The following GRID2 variants were observed in gnomAD, a reference collection of about 807,000 sequenced individuals.
GRID2 encodes the protein glutamate receptor ionotropic, delta-2.
Under a neutral mutation model 114.8 loss-of-function variants are expected in GRID2, and 33 were observed. That is an observed-to-expected ratio of 0.29 (90% CI 0.22 to 0.38). The LOEUF (loss-of-function observed/expected upper bound fraction) is 0.38. Among genes scored for constraint, GRID2 ranks in the 10% least tolerant of loss-of-function variants. GRID2 has a pLI of 1.00. For missense variants in GRID2, 1,184 were observed against 1,257.7 expected, an observed-to-expected ratio of 0.94 and a Z score of 0.89; for synonymous variants, 505 against 449.9, an observed-to-expected ratio of 1.12 and a Z score of -1.55.
At chr4:92,431,019 T>G (rs1265499010) in intron 1 of GRID2, among the ~76,000 whole-genome samples, 1 of 152,150 alleles carries the variant, frequency 6.6e-6, no homozygotes, top group Non-Finnish European at 1.5e-5. Context: ...CTCATTAGGT[T>G]TTTCCAAATA....
At chr4:92,444,535 T>A (rs1733339777) in intron 1 of GRID2, among the ~76,000 whole-genome samples, 1 of 152,186 alleles carries the variant, frequency 6.6e-6, no homozygotes, top group South Asian at 2.1e-4. Flanking sequence ...TGTCATCAGT[T>A]AAGGTGGGGC....
At chr4:93,593,024 G>T (rs1179008171) in intron 13 of GRID2, among the ~76,000 whole-genome samples, 2 of 151,816 alleles carry the variant, frequency 1.3e-5, no homozygotes, top group African/African-American at 2.4e-5. Context: ...TTGCCAGTCT[G>T]TGTCTTTTAA....
At chr4:92,670,924 C>T (rs1047668023) in intron 2 of GRID2, among the ~76,000 whole-genome samples, 1 of 151,960 alleles carries the variant, frequency 6.6e-6, no homozygotes, top group South Asian at 2.1e-4. Flanking sequence ...CAGTATTGAA[C>T]AAAATAGGAT....
intron 13 of GRID2, among the ~76,000 whole-genome samples, chr4:93,566,953 A>G (rs962912735): frequency 3.9e-5 from 6 of 152,024 alleles, no homozygotes; most frequent in African/African-American, 1.4e-4. Flanking sequence ...AATGTCTGCA[A>G]AAGTATCCTC....
intron 2 of GRID2, among the ~76,000 whole-genome samples, chr4:92,849,211 T>C (rs1743572532): frequency 6.6e-6 from 1 of 151,926 alleles, no homozygotes; most frequent in Admixed American, 6.6e-5. Context: ...GGATGAGATA[T>C]CAAGCTTGAA....
chr4:92,624,668 A>G lies in GRID2; in HGVS notation c.244+34382A>G, dbSNP rs370638239. On this transcript the variant is annotated intron_variant, in intron 2 of 15. Coordinates refer to ENST00000282020, the MANE Select transcript of GRID2 (RefSeq NM_001510.4). ...AATTCGAATGTTTGAAAACAAGGCCACTGTGAACCATTTAAGAATCTTCAA... is the reference window on the plus strand; with the variant it reads ...AATTCGAATGTTTGAAAACAAGGCCGCTGTGAACCATTTAAGAATCTTCAA... 1.3e-4 allele frequency among the ~76,000 whole-genome samples: 20 copies of G among 151,900 alleles called. No homozygotes were observed. In the East Asian group the frequency reaches 2.7e-3, roughly 21 times the overall value.
At chr4:92,790,831 T>A (rs1739550867) in intron 2 of GRID2, among the ~76,000 whole-genome samples, 1 of 151,806 alleles carries the variant, frequency 6.6e-6, no homozygotes, top group African/African-American at 2.4e-5. Context: ...ATTTGTCACT[T>A]TTTGTTGTGT....
At chr4:93,555,912 C>G (rs757468226) in intron 13 of GRID2, among the ~76,000 whole-genome samples, 4 of 152,174 alleles carry the variant, frequency 2.6e-5, no homozygotes, top group Non-Finnish European at 4.4e-5. Context: ...GAGGAAGGAA[C>G]AGGCAGCAGT....
intron 4 of GRID2, among the ~76,000 whole-genome samples, chr4:93,181,402 G>A (rs1036714007): frequency 2.0e-5 from 3 of 152,038 alleles, no homozygotes; most frequent in Admixed American, 2.0e-4. Flanking sequence ...AATTCTGAAG[G>A]GCCCTAGAAT....
chr4:93,269,470 C>T (rs17020293), intron 8 of GRID2, among the ~76,000 whole-genome samples: 16,387 of 152,100 alleles, frequency 0.11, 1,868 homozygotes, highest in East Asian at 0.28. Context: ...ATATGAGGTG[C>T]AAAGCTCACT....
chr4:93,090,913 G>T (rs992473439), intron 3 of GRID2, among the ~76,000 whole-genome samples: 2 of 152,212 alleles, frequency 1.3e-5, no homozygotes, highest in Non-Finnish European at 2.9e-5. Context: ...TCAATTACTA[G>T]AATAATTCAG....
chr4:92,998,939 A>G (rs948468879), intron 2 of GRID2, among the ~76,000 whole-genome samples: 12 of 151,862 alleles, frequency 7.9e-5, no homozygotes, highest in Admixed American at 7.9e-4. Context: ...AGAGACTGCT[A>G]TGGTGATCAA....
At chr4:92,837,411 T>C (rs1407916933) in intron 2 of GRID2, among the ~76,000 whole-genome samples, 2 of 151,526 alleles carry the variant, frequency 1.3e-5, no homozygotes, top group African/African-American at 2.4e-5. Context: ...TTCAAAAAAA[T>C]TGGGGAAAAC....
chr4:93,063,634 T>C (rs949820202), intron 2 of GRID2, among the ~76,000 whole-genome samples: 7 of 151,898 alleles, frequency 4.6e-5, no homozygotes, highest in African/African-American at 1.7e-4. Context: ...AGCATTTTCA[T>C]CTTTGGGACT....
At chr4:93,299,104 A>T (rs887607594) in intron 8 of GRID2, among the ~76,000 whole-genome samples, 7 of 152,178 alleles carry the variant, frequency 4.6e-5, no homozygotes, top group African/African-American at 1.7e-4. Flanking sequence ...TTGGAATGTA[A>T]TCCTACAGGG....
chr4:93,743,402 A>G (rs536730625), intron 14 of GRID2, among the ~76,000 whole-genome samples: 2 of 152,218 alleles, frequency 1.3e-5, no homozygotes, highest in Non-Finnish European at 2.9e-5. Flanking sequence ...TAAACAACAG[A>G]TTTTCAATGT....
At chr4:93,461,493 G>A (rs1240175219) in intron 11 of GRID2, among the ~76,000 whole-genome samples, 1 of 152,054 alleles carries the variant, frequency 6.6e-6, no homozygotes, top group Non-Finnish European at 1.5e-5. Flanking sequence ...ATACCAGATT[G>A]AATAGGGATA....
chr4:92,563,875 C>G (rs185103544), intron 1 of GRID2, among the ~76,000 whole-genome samples: 1 of 152,014 alleles, frequency 6.6e-6, no homozygotes, highest in African/African-American at 2.4e-5. Flanking sequence ...CCTATCAGTG[C>G]GCACTCCATA....
intron 2 of GRID2, among the ~76,000 whole-genome samples, chr4:93,010,902 C>G (rs1722066489): frequency 6.6e-6 from 1 of 151,908 alleles, no homozygotes; most frequent in African/African-American, 2.4e-5. Context: ...ACTTATATGC[C>G]ATTTATAAAA....
Sources: gnomAD v4.1 joint callset for allele counts (sites outside exome capture counted in the v4.1 genomes callset) on GRCh38, gnomAD v4.1.1 for gene constraint, MANE v1.5 for transcripts, NCBI Gene and HGNC (gene_info 2026-07-23, HGNC 2026-07-21) for gene names.